Variants in ANKRD28 observed in about 807,000 individuals in gnomAD.
ANKRD28 encodes the protein serine/threonine-protein phosphatase 6 regulatory ankyrin repeat subunit A.
In ANKRD28, 44 loss-of-function variants were observed where a neutral mutation model predicts 126.5. That is an observed-to-expected ratio of 0.35 (90% CI 0.27 to 0.45). The LOEUF (loss-of-function observed/expected upper bound fraction) is 0.45. ANKRD28 is among the 20% of genes least tolerant of loss of function. ANKRD28 has a pLI of 1.00. For synonymous variants in ANKRD28, 442 were observed against 468.5 expected (o/e 0.94, Z 0.73); for missense variants, 1,110 against 1,316.6 (o/e 0.84, Z 2.43).
At chr3:15,674,209 CG>C (rs2066699583) in intron 27 of ANKRD28, among the ~76,000 whole-genome samples, 1 of 109,706 alleles carries the variant, frequency 9.1e-6, no homozygotes, top group South Asian at 3.2e-4. Flanking sequence ...GAAGAAGAAC[CG>C]AAATTCAAGA....
chr3:15,856,512 A>G (rs1031063218), intron 1 of ANKRD28, among the ~76,000 whole-genome samples: 1 of 152,238 alleles, frequency 6.6e-6, no homozygotes, highest in Non-Finnish European at 1.5e-5. Context: ...AAAACCCTGC[A>G]ATTGTCACAA....
At chr3:15,832,627 A>G (rs1173482667) in intron 1 of ANKRD28, among the ~76,000 whole-genome samples, 1 of 152,138 alleles carries the variant, frequency 6.6e-6, no homozygotes, top group African/African-American at 2.4e-5. Flanking sequence ...CACCTTTTGT[A>G]GTTTCTAATA....
rs1486394619 is a variant in ANKRD28 at position 15,850,204 on chromosome 3, A to AAAAATATATATATATAT, written c.27+9172_27+9173insATATATATATATATTTT. 1.8e-4 allele frequency among the ~76,000 whole-genome samples: 10 copies of AAAAATATATATATATAT among 54,830 alleles called. 1 individual carries two copies. Among genetic ancestry groups the AAAAATATATATATATAT allele is most frequent in the African/African-American group, 3.0e-4 (5 of 16,926 alleles). 36.0% of individuals were successfully genotyped at this position (54,830 alleles called of 152,430 possible). A position where few individuals can be genotyped will look rare whatever the true frequency, so the allele number is the denominator to read the frequency against. ...TCTACATGCAATAAAAAAAAAAAAAAATATATATATATATATATATAGAGA... is the reference window on the plus strand; with the variant it reads ...TCTACATGCAATAAAAAAAAAAAAAAAAAATATATATATATATATATATATATATATATATATAGAGA... On this transcript the variant is annotated intron_variant, in intron 1 of 27. Transcript: ENST00000399451.
chr3:15,825,460 C>T (rs889907990), intron 1 of ANKRD28, among the ~76,000 whole-genome samples: 4 of 152,000 alleles, frequency 2.6e-5, no homozygotes, highest in South Asian at 2.1e-4. Context: ...CAATTCGGGG[C>T]GGTGGGGGAG....
At chr3:15,700,512 A>C (rs2070412028) in intron 14 of ANKRD28, among the ~76,000 whole-genome samples, 1 of 152,052 alleles carries the variant, frequency 6.6e-6, no homozygotes, top group South Asian at 2.1e-4. Flanking sequence ...GCGGTGGCTC[A>C]TGCCTGTAAT....
chr3:15,728,545 T>C (rs1327597521), intron 6 of ANKRD28, among the ~76,000 whole-genome samples: 5 of 152,170 alleles, frequency 3.3e-5, no homozygotes, highest in Admixed American at 2.6e-4. Flanking sequence ...TCCTCACACG[T>C]TGGGCTCCCA....
intron 2 of ANKRD28, among the ~76,000 whole-genome samples, chr3:15,791,396 G>A (rs1036397256): frequency 7.9e-5 from 12 of 151,490 alleles, no homozygotes; most frequent in African/African-American, 2.4e-5. Context: ...AAAACAGCAT[G>A]GTACTGTCAC....
chr3:15,832,118 A>C (rs891701983), intron 1 of ANKRD28, among the ~76,000 whole-genome samples: 5 of 152,196 alleles, frequency 3.3e-5, no homozygotes, highest in Non-Finnish European at 7.3e-5. Flanking sequence ...GCCCTTGAAG[A>C]ACTCACATTC....
chr3:15,746,749 G>A (rs543537127), intron 4 of ANKRD28, among the ~76,000 whole-genome samples: 1 of 152,112 alleles, frequency 6.6e-6, no homozygotes, highest in South Asian at 2.1e-4. Context: ...TGCCTCTTTT[G>A]GAAAAGTATC....
intron 18 of ANKRD28, among the ~76,000 whole-genome samples, chr3:15,687,124 T>G (rs1291504738): frequency 6.6e-6 from 1 of 151,818 alleles, no homozygotes; most frequent in East Asian, 1.9e-4. Context: ...TTTGTATTTT[T>G]AGGAGAGATG....
chr3:15,765,943 CTCA>C (rs1355824043), intron 3 of ANKRD28, among the ~76,000 whole-genome samples: 2 of 151,418 alleles, frequency 1.3e-5, no homozygotes, highest in African/African-American at 4.9e-5. Flanking sequence ...TTTCAAAGCA[CTCA>C]TCATCATTTA....
At chr3:15,789,929 CATTACAACTTACACAGAA>C (rs2059949858) in intron 2 of ANKRD28, among the ~76,000 whole-genome samples, 1 of 151,898 alleles carries the variant, frequency 6.6e-6, no homozygotes. Flanking sequence ...AAAAAGGAGA[CATTACAACTTACACAGAA>C]ATTACGACTT....
chr3:15,745,199 T>C (rs2125288410), intron 4 of ANKRD28, among the ~76,000 whole-genome samples: 1 of 152,316 alleles, frequency 6.6e-6, no homozygotes, highest in Non-Finnish European at 1.5e-5. Flanking sequence ...ATGCTGCTGA[T>C]TGTTTTCTTT....
intron 27 of ANKRD28, among the ~76,000 whole-genome samples, chr3:15,672,668 C>T (rs1469070358): frequency 6.6e-6 from 1 of 152,162 alleles, no homozygotes; most frequent in Non-Finnish European, 1.5e-5. Flanking sequence ...GCAGAACAAC[C>T]CATTACATAG....
upstream of ANKRD28, among the ~76,000 whole-genome samples, chr3:15,802,213 A>G (rs755060282): frequency 1.3e-5 from 2 of 152,178 alleles, no homozygotes; most frequent in African/African-American, 2.4e-5. Flanking sequence ...ACCAACTAGC[A>G]TATTCAGCTT....
At chr3:15,762,591 A>G (rs1238453621) in intron 3 of ANKRD28, among the ~76,000 whole-genome samples, 2 of 152,158 alleles carry the variant, frequency 1.3e-5, no homozygotes, top group Non-Finnish European at 2.9e-5. Context: ...CCAGTAGGTA[A>G]GTCATTCCTT....
chr3:15,722,860 A>AT (rs931468858), intron 7 of ANKRD28, among the ~76,000 whole-genome samples: 2 of 152,118 alleles, frequency 1.3e-5, no homozygotes, highest in African/African-American at 2.4e-5. Flanking sequence ...TAGAACTTCC[A>AT]TACTCTAAAA....
chr3:15,732,896 G>A (rs2074744732), intron 6 of ANKRD28: 1 of 152,300 alleles, frequency 6.6e-6, no homozygotes, highest in South Asian at 2.1e-4. Context: ...CAGGCATAGT[G>A]GCTCACACCT....
intron 18 of ANKRD28, among the ~76,000 whole-genome samples, chr3:15,689,205 T>G (rs778218339): frequency 6.6e-6 from 1 of 152,216 alleles, no homozygotes; most frequent in African/African-American, 2.4e-5. Context: ...TTTTCAGCTC[T>G]TTGGGCCACT....
Sources: gnomAD v4.1 joint callset for allele counts (sites outside exome capture counted in the v4.1 genomes callset) on GRCh38, gnomAD v4.1.1 for gene constraint, MANE v1.5 for transcripts, NCBI Gene and HGNC (gene_info 2026-07-23, HGNC 2026-07-21) for gene names.